The following ARHGAP25 variants were observed in gnomAD, a reference collection of about 807,000 sequenced individuals.
ARHGAP25 encodes Rho GTPase activating protein 25.
In ARHGAP25, 34 loss-of-function variants were observed where a neutral mutation model predicts 71.0. The ratio of observed to expected loss-of-function variants is 0.48; its 90% confidence interval spans 0.36 to 0.64. The LOEUF (loss-of-function observed/expected upper bound fraction) is 0.64. Among genes scored for constraint, ARHGAP25 ranks in the 30% least tolerant of loss-of-function variants. ARHGAP25 has a pLI of 0.00. For synonymous variants in ARHGAP25, 282 were observed against 296.5 expected, an observed-to-expected ratio of 0.95 and a Z score of 0.50; for missense variants, 706 against 805.1, an observed-to-expected ratio of 0.88 and a Z score of 1.49.
intron 1 of ARHGAP25, among the ~76,000 whole-genome samples, chr2:68,761,422 A>G (rs4416251): frequency 0.57 from 86,851 of 151,576 alleles, 25,964 homozygotes; most frequent in South Asian, 0.67. Flanking sequence ...TACGTATCAA[A>G]AGATACTACC....
intron 2 of ARHGAP25, among the ~76,000 whole-genome samples, chr2:68,723,144 A>T (rs1420843553): frequency 6.6e-6 from 1 of 152,158 alleles, no homozygotes; most frequent in South Asian, 2.1e-4. Context: ...TGGTCATGGG[A>T]GGCAGTGGTC....
intron 3 of ARHGAP25, among the ~76,000 whole-genome samples, chr2:68,786,489 A>G (rs1573533118): frequency 6.6e-6 from 1 of 152,206 alleles, no homozygotes; most frequent in Non-Finnish European, 1.5e-5. Context: ...TGGAAATAAT[A>G]CTAACTCCTT....
rs1253760326 is a variant in ARHGAP25, at chr2:68,822,796, T to A, written c.1657T>A (p.Ser553Thr). The A allele has an allele frequency of 6.2e-7, 1 of 1,614,162 alleles. No homozygotes were observed. Among genetic ancestry groups the A allele is most frequent in the Non-Finnish European group, 8.5e-7 (1 of 1,180,018 alleles). The change falls in exon 10 of 11, where the codon TCT (serine) becomes ACT (threonine). Residue 553 changes from serine (S) to threonine (T), a missense_variant. Coordinates refer to ENST00000409202, the MANE Select transcript of ARHGAP25 (RefSeq NM_001007231.3). ...GAACTCTGGAGAAGAGGAAATTGAT[T>A]CTTTGCAGAGGATGGTCCAAGAGCT... ...KKNSGEEEID[S>T]LQRMVQELRK... is the part of the protein sequence containing the mutation.
At chr2:68,731,087 T>C (rs552428351), upstream of ARHGAP25, among the ~76,000 whole-genome samples, 22 of 152,312 alleles carry the variant, frequency 1.4e-4, no homozygotes, top group Non-Finnish European at 2.4e-4. Context: ...CCTGTACAAA[T>C]GTTTATGGAG....
At chr2:68,806,966 T>TGG (rs1680418536) in intron 4 of ARHGAP25, among the ~76,000 whole-genome samples, 1 of 152,176 alleles carries the variant, frequency 6.6e-6, no homozygotes. Flanking sequence ...TACCATCTCA[T>TGG]GGGGTTGCTG....
At chr2:68,743,064 T>C (rs1428205641) in intron 1 of ARHGAP25, among the ~76,000 whole-genome samples, 1 of 152,244 alleles carries the variant, frequency 6.6e-6, no homozygotes, top group Non-Finnish European at 1.5e-5. Flanking sequence ...CTGGTAAGTT[T>C]CCTGCAGAAT....
At chr2:68,773,328 G>C (rs1677612500) in intron 1 of ARHGAP25, among the ~76,000 whole-genome samples, 1 of 152,236 alleles carries the variant, frequency 6.6e-6, no homozygotes, top group Non-Finnish European at 1.5e-5. Context: ...AAGAGAATCA[G>C]AAAGAATGAA....
intron 4 of ARHGAP25, among the ~76,000 whole-genome samples, chr2:68,788,474 G>A (rs1678916975): frequency 1.3e-5 from 2 of 152,214 alleles, no homozygotes. Flanking sequence ...GAAGGTTCAG[G>A]AATTGTGTCT....
chr2:68,761,296 C>T (rs995388823), intron 1 of ARHGAP25, among the ~76,000 whole-genome samples: 17 of 152,104 alleles, frequency 1.1e-4, no homozygotes, highest in Admixed American at 9.8e-4. Context: ...TAGAAGAAGA[C>T]GTGGGGCAAA....
chr2:68,773,300 G>A (rs185354564), intron 1 of ARHGAP25, among the ~76,000 whole-genome samples: 40 of 152,332 alleles, frequency 2.6e-4, no homozygotes, highest in African/African-American at 7.7e-4. Context: ...AATCACAGGC[G>A]TAGAAGGAGA....
At chr2:68,824,200 G>T (rs963143471) in intron 10 of ARHGAP25, among the ~76,000 whole-genome samples, 15 of 152,186 alleles carry the variant, frequency 9.9e-5, no homozygotes, top group South Asian at 2.1e-4. Flanking sequence ...CCCATAGAAG[G>T]CACACACTGC....
In ARHGAP25 at chr2:68,753,585, G is replaced by C. The variant is rs150492787; in HGVS notation, c.61+18325G>C. ...TGGCTTTCCTTAGCACCTGTGAAAA[G>C]AACAAAGCTAAATGATGGGGTGCTA... On this transcript the variant is annotated intron_variant, in intron 1 of 10. Transcript: ENST00000409202. Among the ~76,000 whole-genome samples, 744 of 152,278 alleles carry C rather than the reference G, an allele frequency of 4.9e-3. 17 individuals are homozygous for C. Among genetic ancestry groups the C allele is most frequent in the Admixed American group, 0.035 (537 of 15,290 alleles).
chr2:68,758,992 A>G (rs1289529350), intron 1 of ARHGAP25, among the ~76,000 whole-genome samples: 2 of 152,028 alleles, frequency 1.3e-5, no homozygotes, highest in South Asian at 2.1e-4. Context: ...TAAACAATAC[A>G]CTATTAAACA....
At chr2:68,754,754 A>C (rs764954265) in intron 1 of ARHGAP25, among the ~76,000 whole-genome samples, 3 of 152,192 alleles carry the variant, frequency 2.0e-5, no homozygotes, top group Non-Finnish European at 4.4e-5. Flanking sequence ...TGATATTGTT[A>C]GTTTTTTAAA....
chr2:68,731,815 C>A (rs1040295371), upstream of ARHGAP25, among the ~76,000 whole-genome samples: 5 of 151,228 alleles, frequency 3.3e-5, no homozygotes, highest in Admixed American at 6.6e-5. Flanking sequence ...CGCATATACA[C>A]CCCCCCTAGC....
At chr2:68,734,409 C>T (rs1364857648), upstream of ARHGAP25, among the ~76,000 whole-genome samples, 1 of 152,190 alleles carries the variant, frequency 6.6e-6, no homozygotes, top group African/African-American at 2.4e-5. Context: ...TCAAAACCCT[C>T]CCTACATCAG....
At chr2:68,759,902 A>G (rs1345761984) in intron 1 of ARHGAP25, among the ~76,000 whole-genome samples, 1 of 152,026 alleles carries the variant, frequency 6.6e-6, no homozygotes, top group Non-Finnish European at 1.5e-5. Flanking sequence ...CTGCAGACCA[A>G]TATCCCTTAT....
chr2:68,710,644 G>A lies in ARHGAP25; in HGVS notation c.-72G>A, dbSNP rs532385304. ...GTGACTTCCAGCCTAAGTGGCTCTG[G>A]ACACTGCTGGAACCCCCCGCTCCAT... On this transcript the variant is annotated 5_prime_UTR_variant and NMD_transcript_variant, in exon 2 of 8. Transcript: ENST00000463483. The A allele has an allele frequency of 7.9e-5, 12 of 152,220 alleles. 1 individual carries two copies. In the South Asian group the frequency reaches 2.5e-3, roughly 32 times the overall value. 9.4% of individuals were successfully genotyped at this position (152,220 alleles called of 1,614,324 possible). A position where few individuals can be genotyped will look rare whatever the true frequency, so the allele number is the denominator to read the frequency against.
intron 1 of ARHGAP25, among the ~76,000 whole-genome samples, chr2:68,745,401 A>G (rs1675754351): frequency 6.6e-6 from 1 of 152,014 alleles, no homozygotes. Context: ...CCACCATTCC[A>G]TTGGTCCCAC....
Sources: gnomAD v4.1 joint callset for allele counts (sites outside exome capture counted in the v4.1 genomes callset) on GRCh38, gnomAD v4.1.1 for gene constraint, MANE v1.5 for transcripts, NCBI Gene and HGNC (gene_info 2026-07-23, HGNC 2026-07-21) for gene names.